TSKS: variants seen among roughly 807,000 people sequenced by gnomAD.
TSKS encodes the protein testis specific serine kinase substrate.
Under a neutral mutation model 68.0 loss-of-function variants are expected in TSKS, and 27 were observed. That is an observed-to-expected ratio of 0.40 (90% CI 0.29 to 0.55). The LOEUF (loss-of-function observed/expected upper bound fraction) is 0.55. Among genes scored for constraint, TSKS ranks in the 20% least tolerant of loss-of-function variants. TSKS has a pLI of 0.53. For synonymous variants in TSKS, 331 were observed against 340.4 expected (o/e 0.97, Z 0.30); for missense variants, 806 against 776.0 (o/e 1.04, Z -0.46).
In TSKS at chr19:49,763,267, C is replaced by T. The variant is rs2123637570; in HGVS notation, c.-20G>A. ...CGCCATGGTGTGGGGGTCTGGCTCC[C>T]AGGGAGGGGCTCCTTCCTCTGAGAC... On this transcript the variant is annotated 5_prime_UTR_variant, in exon 1 of 11. Transcript: ENST00000246801. This position sits in a 1 kb window ranked among gnomAD's most constrained non-coding sequence, Gnocchi z 4.5. 6.8e-7 allele frequency: 1 copy of T among 1,475,854 alleles called. No homozygotes were observed. The highest frequency in any genetic ancestry group is 2.6e-5 in the East Asian group (1 of 39,040). The allele number at this position is 1,475,854 out of a possible 1,614,324, so 91.4% of individuals were successfully genotyped here. A position where few individuals can be genotyped will look rare whatever the true frequency, so the allele number is the denominator to read the frequency against.
At position 49,744,388 on chromosome 19, in the gene TSKS, C is replaced by A. The variant is rs141358498; in HGVS notation, c.1204G>T (p.Val402Leu). ...ELCTMVERSA[V>L]SVASLRSELE... ...TCGCTCCTCAGTGAAGCCACAGACA[C>A]TGCTGACCGCTCCACCCTGAGGCAT... Residue 402 changes from valine (V) to leucine (L), a missense_variant, in exon 8 of 11, where the codon GTG becomes TTG. Coordinates refer to ENST00000246801, the MANE Select transcript of TSKS (RefSeq NM_021733.2). The A allele has an allele frequency of 1.8e-4, 296 of 1,613,972 alleles. No individual in the cohort carries two copies. In the African/African-American group the frequency reaches 2.1e-3, roughly 12 times the overall value.
rs2084317198 is a variant in TSKS, at chr19:49,748,030, C to T, written c.579+55G>A. On this transcript the variant is annotated intron_variant, in intron 4 of 10. Transcript: ENST00000246801. ...AGCCTCCTCCCCTCTTTCTCCCACC[C>T]TCTTCTTACTCCCATTCCCCTCTCC... 15 of 1,546,808 alleles carry T rather than the reference C, an allele frequency of 9.7e-6. No homozygotes were observed. In the South Asian group the frequency reaches 1.6e-4, roughly 16 times the overall value.
At chr19:49,740,290 T>C in intron 9 of TSKS, 107 bp from the exon 10 acceptor site, 1 of 1,370,042 alleles carries the variant, frequency 7.3e-7, no homozygotes, top group Non-Finnish European at 9.7e-7. Context: ...GGCCCACATT[T>C]CTCCCTCAGA....
At position 49,740,204 on chromosome 19, in the gene TSKS, G is replaced by A. The variant is rs182726037; in HGVS notation, c.1498-21C>T. ...AGCTCCTGGGGAGAGGAGCGTAGGCGTAGCTGGGCTTGCTGGACTGGGCTG... is the reference window on the plus strand; with the variant it reads ...AGCTCCTGGGGAGAGGAGCGTAGGCATAGCTGGGCTTGCTGGACTGGGCTG... On this transcript the variant is annotated intron_variant, in intron 9 of 10. Transcript: ENST00000246801. 726 of 1,601,236 alleles carry A rather than the reference G, an allele frequency of 4.5e-4. 1 individual carries two copies. The highest frequency in any genetic ancestry group is 3.9e-3 in the African/African-American group (295 of 74,728).
intron 2 of TSKS, among the ~76,000 whole-genome samples, chr19:49,755,811 G>T (rs564578623): frequency 6.6e-6 from 1 of 152,130 alleles, no homozygotes. Context: ...AACCAGCCTG[G>T]CCAAGATGGT....
chr19:49,741,647 T>A (rs2084253194), intron 9 of TSKS, among the ~76,000 whole-genome samples: 2 of 152,188 alleles, frequency 1.3e-5, no homozygotes, highest in Non-Finnish European at 2.9e-5. Flanking sequence ...CCTATCATGC[T>A]TTAGGCCCAA....
chr19:49,739,796 C>A lies in TSKS; in HGVS notation c.1759G>T (p.Gly587Cys). Residue 587 changes from glycine to cysteine, a missense_variant, in exon 11 of 11, where the codon GGC becomes TGC. Physicochemically the swap from Gly to Cys is radical, Grantham distance 159 (BLOSUM62 -3). Transcript: ENST00000246801. ...SSAGTPPKQG[G>C]SAPEQ ...GCCATTTATTGTTCAGGGGCTGAGC[C>A]CCCCTGTTTTGGGGGGGTTCCTGCA... The A allele has an allele frequency of 6.6e-7, 1 of 1,511,180 alleles. No individual in the cohort carries two copies. 93.6% of individuals were successfully genotyped at this position (1,511,180 alleles called of 1,614,324 possible).
Position 49,739,762 on chromosome 19 carries a change from G to T in TSKS, c.*14C>A, listed in dbSNP as rs1358833902. 3 of 1,184,552 alleles carry T rather than the reference G, an allele frequency of 2.5e-6. No homozygotes were observed. The highest frequency in any genetic ancestry group is 1.9e-5 in the Admixed American group (1 of 53,142). 73.4% of individuals were successfully genotyped at this position (1,184,552 alleles called of 1,614,324 possible). A position where few individuals can be genotyped will look rare whatever the true frequency, so the allele number is the denominator to read the frequency against. The stretch of plus-strand genomic sequence containing the variant: ...CAAAAAGCAGACAGAATTCATGCTA[G>T]CATGAGAGGCCATTTATTGTTCAGG... On this transcript the variant is annotated 3_prime_UTR_variant, in exon 11 of 11. Transcript: ENST00000246801.
Position 49,763,295 on chromosome 19 carries a change from C to A in TSKS, c.-48G>T, listed in dbSNP as rs1033073817. On this transcript the variant is annotated 5_prime_UTR_variant, in exon 1 of 11. Coordinates refer to ENST00000246801, the MANE Select transcript of TSKS (RefSeq NM_021733.2). This position sits in a 1 kb window ranked among gnomAD's most constrained non-coding sequence, Gnocchi z 4.5. ...GGAGGGGCTCCTTCCTCTGAGACTT[C>A]CTACCTACTGTGACCACAGACCCTC... 6.8e-7 allele frequency: 1 copy of A among 1,472,794 alleles called. No homozygotes were observed. Among genetic ancestry groups the A allele is most frequent in the Non-Finnish European group, 8.9e-7 (1 of 1,118,422 alleles). The allele number at this position is 1,472,794 out of a possible 1,614,324, so 91.2% of individuals were successfully genotyped here.
intron 2 of TSKS, among the ~76,000 whole-genome samples, chr19:49,761,149 G>A (rs943862527): frequency 3.9e-5 from 6 of 152,070 alleles, no homozygotes; most frequent in Non-Finnish European, 7.3e-5. Context: ...ATGCATCTCC[G>A]TTTTACAGAT....
chr19:49,753,363 C>T (rs1013695244), intron 2 of TSKS, among the ~76,000 whole-genome samples: 12 of 151,924 alleles, frequency 7.9e-5, no homozygotes, highest in African/African-American at 2.9e-4. Flanking sequence ...GAGATCGAGA[C>T]CATCCTGGCT....
At chr19:49,751,974 T>G (rs2084354664) in intron 2 of TSKS, among the ~76,000 whole-genome samples, 1 of 150,296 alleles carries the variant, frequency 6.7e-6, no homozygotes, top group Non-Finnish European at 1.5e-5. Context: ...CTCAGGAGGC[T>G]GAGGTTGAAG....
intron 8 of TSKS, 51 bp downstream of exon 8, chr19:49,744,180 C>A (rs1392261457): frequency 6.3e-7 from 1 of 1,578,574 alleles, no homozygotes; most frequent in Admixed American, 1.7e-5. Context: ...TTCCGCATCT[C>A]CTTTAATGTC....
In TSKS at chr19:49,741,917, G is replaced by A. The variant is rs749259340; in HGVS notation, c.1465C>T (p.Pro489Ser). 1.2e-6 allele frequency: 2 copies of A among 1,614,230 alleles called. No individual in the cohort carries two copies. The highest frequency in any genetic ancestry group is 1.7e-6 in the Non-Finnish European group (2 of 1,180,048). Residue 489 changes from proline (P) to serine (S), a missense_variant, in exon 9 of 11, where the codon CCC becomes TCC. Transcript: ENST00000246801. ...TTCTTGTGTAGCCTCTGACAGCTGG[G>A]ACAGGCAGGAGTCAGGCCCCTCTGC... ...VKQRGLTPAC[P>S]SCQRLHKKIL...
chr19:49,749,530 A>G (rs1026921717), intron 2 of TSKS, among the ~76,000 whole-genome samples: 2 of 152,012 alleles, frequency 1.3e-5, no homozygotes, highest in African/African-American at 2.4e-5. Context: ...CAGAGACTAC[A>G]TTTCCCAGGT....
chr19:49,761,128 G>C (rs1253344592), intron 2 of TSKS, among the ~76,000 whole-genome samples: 1 of 152,008 alleles, frequency 6.6e-6, no homozygotes, highest in African/African-American at 2.4e-5. Context: ...TAAAAATAAA[G>C]GAACGAATGT....
At chr19:49,761,292 G>GT (rs1410162313) in intron 2 of TSKS, among the ~76,000 whole-genome samples, 1 of 151,996 alleles carries the variant, frequency 6.6e-6, no homozygotes, top group African/African-American at 2.4e-5. Flanking sequence ...GGGAAGCCAG[G>GT]TGGGGGGTGA....
At position 49,762,160 on chromosome 19, in the gene TSKS, G is replaced by A. The variant is rs370173923; in HGVS notation, c.243C>T (p.Asn81=). The A allele has an allele frequency of 2.7e-5, 44 of 1,614,138 alleles. No individual in the cohort carries two copies. Among genetic ancestry groups the A allele is most frequent in the African/African-American group, 2.3e-4 (17 of 75,040 alleles). Reference sequence around the variant, plus strand: ...TGGCGGCCAGGTTGAGCAGTGACACGTTGGTGCAGGCCGAGGACCGTTTGA... The same window carrying A: ...TGGCGGCCAGGTTGAGCAGTGACACATTGGTGCAGGCCGAGGACCGTTTGA... ...LNLKRSSACT[N]VSLLNLAAME... is the part of the protein sequence containing the mutation. The change falls in exon 2 of 11, where the codon AAC becomes AAT. Residue 81 remains asparagine, a synonymous_variant. Coordinates refer to ENST00000246801, the MANE Select transcript of TSKS (RefSeq NM_021733.2).
At chr19:49,761,576 C>T (rs1006140635) in intron 2 of TSKS, among the ~76,000 whole-genome samples, 1 of 152,168 alleles carries the variant, frequency 6.6e-6, no homozygotes, top group Non-Finnish European at 1.5e-5. Context: ...GTGTCTTTTG[C>T]CCCCACCAGA....
Sources: allele counts gnomAD v4.1 joint callset (sites outside exome capture counted in the v4.1 genomes callset), GRCh38; gene constraint gnomAD v4.1.1; non-coding constraint Gnocchi (gnomAD v3.1); transcripts MANE v1.5; gene names NCBI Gene and HGNC (gene_info 2026-07-23, HGNC 2026-07-21).